The following GK variants were observed in gnomAD, a reference collection of about 807,000 sequenced individuals.
GK encodes the protein glycerol kinase, also known as ATP:glycerol 3-phosphotransferase.
GK carries 9 observed loss-of-function variants against 56.4 expected under a neutral mutation model. The observed-to-expected ratio is 0.16, with a 90% CI of 0.10 to 0.28. GK has a LOEUF of 0.28. Among genes scored for constraint, GK ranks in the 10% least tolerant of loss-of-function variants. The pLI is 1.00. For synonymous variants in GK, 104 were observed against 144.1 expected (o/e 0.72, Z 1.99); for missense variants, 161 against 431.4 (o/e 0.37, Z 5.55).
chrX:30,655,055 G>A (rs916835021), intron 1 of GK, among the ~76,000 whole-genome samples: 2 of 111,617 alleles, frequency 1.8e-5, no homozygotes, highest in Admixed American at 1.9e-4. Context: ...ATCTTTTTTT[G>A]TCTAAAGTGA....
intron 9 of GK, among the ~76,000 whole-genome samples, chrX:30,699,265 T>C (rs866475341): frequency 1.1e-4 from 9 of 85,382 alleles, no homozygotes; most frequent in Non-Finnish European, 2.1e-4. Context: ...ACATGTTATG[T>C]ATAACATGTA....
At chrX:30,664,332 T>C (rs947900454) in intron 1 of GK, among the ~76,000 whole-genome samples, 1 of 105,728 alleles carries the variant, frequency 9.5e-6, no homozygotes, top group Non-Finnish European at 1.9e-5. Flanking sequence ...TCTGAGTAGC[T>C]GGGATTACAG....
At chrX:30,674,856 A>C (rs1297674616) in intron 3 of GK, among the ~76,000 whole-genome samples, 1 of 111,831 alleles carries the variant, frequency 8.9e-6, no homozygotes, top group African/African-American at 3.3e-5. Context: ...GCATTGGATA[A>C]ATAGTATTAG....
chrX:30,690,313 G>A lies in GK; in HGVS notation c.338-810G>A, dbSNP rs773403337. ...TAGATTAAAAGTTATCGAAGTTTAAGTACAAAACTTAAATCTGGCAAATAA... is the reference window on the plus strand; with the variant it reads ...TAGATTAAAAGTTATCGAAGTTTAAATACAAAACTTAAATCTGGCAAATAA... On this transcript the variant is annotated intron_variant, in intron 4 of 20. Coordinates refer to ENST00000427190, the MANE Select transcript of GK (RefSeq NM_001205019.2). 9.8e-5 allele frequency among the ~76,000 whole-genome samples: 11 copies of A among 111,999 alleles called. No individual in the cohort carries two copies. The South Asian group carries it at 4.1e-3, about 42-fold the overall frequency.
intron 13 of GK, among the ~76,000 whole-genome samples, chrX:30,708,799 T>A (rs192789491): frequency 5.4e-4 from 61 of 112,310 alleles, no homozygotes; most frequent in Non-Finnish European, 8.6e-4. Flanking sequence ...TAATTAATTT[T>A]GAAATGGCTA....
chrX:30,655,111 C>T (rs1932159615), intron 1 of GK, among the ~76,000 whole-genome samples: 1 of 111,735 alleles, frequency 8.9e-6, no homozygotes, highest in Non-Finnish European at 1.9e-5. Context: ...TAATGACTTA[C>T]CCTGGTTTGA....
At position 30,700,440 on chromosome X, in the gene GK, A is replaced by T; in HGVS notation, c.774A>T (p.Pro258=). 8.4e-7 allele frequency: 1 copy of T among 1,196,511 alleles called. No individual in the cohort carries two copies. The change falls in exon 10 of 21, where the codon CCA becomes CCT. Residue 258 remains proline, a synonymous_variant. Coordinates refer to ENST00000427190, the MANE Select transcript of GK (RefSeq NM_001205019.2). Reference sequence around the variant, plus strand: ...AAGCTGGGGCCTTGGAAGGTGTGCCAATATCTGGGGTAAGTTTCATCACCA... The same window carrying T: ...AAGCTGGGGCCTTGGAAGGTGTGCCTATATCTGGGGTAAGTTTCATCACCA... The part of the protein sequence containing the change: ...SVKAGALEGV[P]ISGCLGDQSA...
chrX:30,715,314 A>C (rs1481109604), intron 13 of GK, among the ~76,000 whole-genome samples: 2 of 112,269 alleles, frequency 1.8e-5, no homozygotes, highest in Non-Finnish European at 3.8e-5. Flanking sequence ...GATTATTTTT[A>C]ATTCAATCTT....
At chrX:30,702,128 C>T (rs1209018087) in intron 11 of GK, among the ~76,000 whole-genome samples, 1 of 110,243 alleles carries the variant, frequency 9.1e-6, no homozygotes, top group Non-Finnish European at 1.9e-5. Context: ...CTGCAACCTC[C>T]GCCTCCCAAG....
Position 30,700,333 on chromosome X carries a change from T to C in GK, c.748-81T>C, listed in dbSNP as rs781658537. 3.6e-4 allele frequency: 221 copies of C among 615,761 alleles called. 1 individual carries two copies. In the South Asian group the frequency reaches 4.3e-3, roughly 12 times the overall value. 50.7% of individuals were successfully genotyped at this position (615,761 alleles called of 1,213,427 possible). ...CCCACATCCTCTGGCACATTGCTAC[T>C]TGTGTTCACTCTTGTTGCAGCTATG... is the stretch of plus-strand genomic sequence containing the variant. On this transcript the variant is annotated intron_variant, in intron 9 of 20. Transcript: ENST00000427190.
intron 6 of GK, among the ~76,000 whole-genome samples, 156 bp from the exon 7 acceptor site, chrX:30,695,886 A>G (rs1935212139): frequency 8.9e-6 from 1 of 112,731 alleles, no homozygotes. Context: ...TGGAATATAC[A>G]CCAGATTTCA....
At chrX:30,659,568 T>C (rs1247774357) in intron 1 of GK, among the ~76,000 whole-genome samples, 1 of 111,172 alleles carries the variant, frequency 9.0e-6, no homozygotes, top group Non-Finnish European at 1.9e-5. Context: ...AGTAGACTAG[T>C]GGGGAAATCA....
chrX:30,721,048 G>A (rs1476067148), intron 18 of GK, 53 bp downstream of exon 18: 6 of 1,102,115 alleles, frequency 5.4e-6, no homozygotes, highest in Non-Finnish European at 7.5e-6. Context: ...CGACCTTAGT[G>A]CACGGGAGTT....
At chrX:30,700,971 A>G in intron 11 of GK, 66 bp downstream of exon 11, 1 of 698,331 alleles carries the variant, frequency 1.4e-6, no homozygotes, top group South Asian at 2.2e-5. Flanking sequence ...GCTTTGAATA[A>G]GGAAAAGCTT....
chrX:30,720,037 C>A lies in GK; in HGVS notation c.1178C>A (p.Thr393Asn). 1.7e-6 allele frequency: 2 copies of A among 1,191,668 alleles called. No homozygotes were observed. The change falls in exon 16 of 21, where the codon ACC (threonine) becomes AAC (asparagine). Residue 393 changes from threonine to asparagine, a missense_variant. Thr to Asn is a moderately conservative substitution (Grantham distance 65). Transcript: ENST00000427190. ...ATAATCTGTGGACTCACTCAGTTCA[C>A]CAATAAATGCCATATTGCTTTTGCT... ...RGIICGLTQFTNKCHIAFAAL... is the reference protein window; with the variant it reads ...RGIICGLTQFNNKCHIAFAAL...
Position 30,699,215 on chromosome X carries a change from ACATGTTATATAT to A in GK, c.748-1198_748-1187del, listed in dbSNP as rs1229335572. Among the ~76,000 whole-genome samples, 11 of 94,719 alleles carry A rather than the reference ACATGTTATATAT, an allele frequency of 1.2e-4. 1 individual carries two copies. In the East Asian group the frequency reaches 3.4e-3, roughly 29 times the overall value. 82.3% of individuals were successfully genotyped at this position (94,719 alleles called of 115,157 possible). On this transcript the variant is annotated intron_variant, in intron 9 of 20. Transcript: ENST00000427190. ...TGTTTTATATATATGTTATATATATACATGTTATATATACATGTTATGTATAACATGTTATAT... is the reference window on the plus strand; with the variant it reads ...TGTTTTATATATATGTTATATATATAACATGTTATGTATAACATGTTATAT...
intron 4 of GK, among the ~76,000 whole-genome samples, chrX:30,690,573 C>T (rs1934879726): frequency 9.0e-6 from 1 of 111,151 alleles, no homozygotes; most frequent in Admixed American, 9.6e-5. Flanking sequence ...CTAATGATTC[C>T]GGGTCTAGCA....
chrX:30,688,216 C>T (rs1377441509), intron 4 of GK, among the ~76,000 whole-genome samples: 1 of 111,552 alleles, frequency 9.0e-6, no homozygotes, highest in Non-Finnish European at 1.9e-5. Flanking sequence ...TCTGTGTTTA[C>T]CACTATTGTC....
intron 13 of GK, 147 bp downstream of exon 13, chrX:30,708,281 C>A: frequency 2.3e-6 from 1 of 426,000 alleles, no homozygotes; most frequent in Non-Finnish European, 4.1e-6. Context: ...GTTGAAGGAA[C>A]CTGAAACTGA....
Sources: allele counts gnomAD v4.1 joint callset (sites outside exome capture counted in the v4.1 genomes callset), GRCh38; gene constraint gnomAD v4.1.1; transcripts MANE v1.5; gene names NCBI Gene and HGNC (gene_info 2026-07-23, HGNC 2026-07-21).